GZMA: variants seen among roughly 807,000 people sequenced by gnomAD.
The protein encoded by GZMA is granzyme A.
In GZMA, 17 loss-of-function variants were observed where a neutral mutation model predicts 21.1. The observed-to-expected ratio is 0.81, with a 90% CI of 0.55 to 1.21. The LOEUF (loss-of-function observed/expected upper bound fraction) is 1.21. GZMA is among the 50% of genes most tolerant of loss of function. The pLI is 0.00. For missense variants in GZMA, 306 were observed against 315.9 expected (o/e 0.97, Z 0.24); for synonymous variants, 90 against 107.8 (o/e 0.83, Z 1.03).
At chr5:55,103,545 T>C (rs1742338244) in intron 1 of GZMA, among the ~76,000 whole-genome samples, 1 of 152,142 alleles carries the variant, frequency 6.6e-6, no homozygotes, top group Non-Finnish European at 1.5e-5. Context: ...GGGTGACAGC[T>C]CTTGGGGAGC....
intron 4 of GZMA, 96 bp downstream of exon 4, chr5:55,108,490 T>C (rs1048467956): frequency 1.7e-5 from 17 of 992,330 alleles, no homozygotes; most frequent in East Asian, 4.8e-5. Flanking sequence ...GGCACTGGCT[T>C]CTACAGGATC....
In GZMA at chr5:55,108,190, T is replaced by C. The variant is rs556099504; in HGVS notation, c.423T>C (p.Asp141=). The stretch of plus-strand genomic sequence containing the variant: ...TTCATCTACCTAAAAAGGGGGACGA[T>C]GTGAAACCAGGAACCATGTGCCAAG... The part of the protein sequence containing the change: ...TILHLPKKGD[D]VKPGTMCQVA... Residue 141 remains aspartate, a synonymous_variant, in exon 4 of 5, where the codon GAT becomes GAC. Transcript: ENST00000274306. The C allele has an allele frequency of 1.2e-5, 19 of 1,611,394 alleles. No individual in the cohort carries two copies. The highest frequency in any genetic ancestry group is 3.3e-5 in the Admixed American group (2 of 59,990).
chr5:55,106,432 A>C (rs999444476), intron 2 of GZMA, among the ~76,000 whole-genome samples: 3 of 152,158 alleles, frequency 2.0e-5, no homozygotes, highest in African/African-American at 7.2e-5. Flanking sequence ...TGAGCCTAAA[A>C]GGAAGTTAGG....
chr5:55,103,839 C>A (rs1742342607), intron 1 of GZMA, among the ~76,000 whole-genome samples: 1 of 152,050 alleles, frequency 6.6e-6, no homozygotes, highest in Non-Finnish European at 1.5e-5. Context: ...AACCTTGTCT[C>A]CACTAAAAAA....
chr5:55,108,257 G>T lies in GZMA; in HGVS notation c.490G>T (p.Asp164Tyr). ...GRTHNSASWS[D>Y]TLREVNITII... ...GACTCACAATAGTGCATCTTGGTCC[G>T]ATACTCTGAGAGAAGTCAATATCAC... is the stretch of plus-strand genomic sequence containing the variant. Residue 164 changes from aspartate to tyrosine, a missense_variant, in exon 4 of 5, where the codon GAT becomes TAT. Transcript: ENST00000274306. The T allele has an allele frequency of 3.1e-6, 5 of 1,613,958 alleles. No homozygotes were observed. The highest frequency in any genetic ancestry group is 4.2e-6 in the Non-Finnish European group (5 of 1,179,904).
intron 1 of GZMA, among the ~76,000 whole-genome samples, chr5:55,103,296 G>A (rs1375848461): frequency 6.6e-6 from 1 of 152,150 alleles, no homozygotes; most frequent in Admixed American, 6.5e-5. Flanking sequence ...ATCTGACCTA[G>A]ACACCAAAAG....
rs1561280012 is a variant in GZMA at position 55,106,255 on chromosome 5, AATAAAAT to A, written c.215+639_215+645del. 1.6e-3 allele frequency among the ~76,000 whole-genome samples: 9 copies of A among 5,540 alleles called. 4 individuals are homozygous for A. The highest frequency in any genetic ancestry group is 3.6e-3 in the African/African-American group (7 of 1,944). The allele number at this position is 5,540 out of a possible 152,430, so 3.6% of individuals were successfully genotyped here. On this transcript the variant is annotated intron_variant, in intron 2 of 4. Transcript: ENST00000274306. ...AATAAAATAAAATAAAATAAAATAA[AATAAAAT>A]AAATAAAATAAAATAAAATAAAATA...
chr5:55,105,508 A>C lies in GZMA; in HGVS notation c.105A>C (p.Val35=). The change falls in exon 2 of 5, where the codon GTA becomes GTC. Residue 35 remains valine, a synonymous_variant. Transcript: ENST00000274306. ...AAAAAATTATTGGAGGAAATGAAGT[A>C]ACTCCTCATTCAAGACCCTACATGG... ...VCEKIIGGNE[V]TPHSRPYMVL... is the part of the protein sequence containing the mutation. 6.2e-7 allele frequency: 1 copy of C among 1,610,754 alleles called. No homozygotes were observed. Among genetic ancestry groups the C allele is most frequent in the Non-Finnish European group, 8.5e-7 (1 of 1,177,070 alleles).
At chr5:55,106,575 T>C (rs3091252) in intron 2 of GZMA, among the ~76,000 whole-genome samples, 115,575 of 152,084 alleles carry the variant, frequency 0.76, 45,293 homozygotes, top group Admixed American at 0.86. Context: ...CCAGGTAGAA[T>C]TAGCCTCAGC....
chr5:55,107,887 T>A lies in GZMA; in HGVS notation c.309T>A (p.Tyr103Ter). Residue 103 changes from tyrosine to a stop codon, truncating the protein, a stop_gained, in exon 3 of 5, where the codon TAT becomes TAA. Coordinates refer to ENST00000274306, the MANE Select transcript of GZMA (RefSeq NM_006144.4). LOFTEE classifies it high-confidence loss of function. ...TGCTTGTTAAGAAAGAGTTTCCCTA[T>A]CCATGCTATGACCCAGCCACACGCG... ...QIMLVKKEFP[Y>*]PCYDPATREG... 6.2e-7 allele frequency: 1 copy of A among 1,613,056 alleles called. No individual in the cohort carries two copies. Among genetic ancestry groups the A allele is most frequent in the Non-Finnish European group, 8.5e-7 (1 of 1,179,084 alleles).
At chr5:55,105,650 T>C in intron 2 of GZMA, 32 bp downstream of exon 2, 1 of 1,577,830 alleles carries the variant, frequency 6.3e-7, no homozygotes, top group Non-Finnish European at 8.7e-7. Flanking sequence ...AAAAAGTTTG[T>C]AAAGATACTC....
In GZMA at chr5:55,110,186, ACCGTTTCCTTTC is replaced by A; in HGVS notation, c.*5_*16del. The A allele has an allele frequency of 6.4e-7, 1 of 1,572,050 alleles. No individual in the cohort carries two copies. The highest frequency in any genetic ancestry group is 1.2e-5 in the South Asian group (1 of 84,944). ...GACTATCAAGGGAGCAGTTTAAATA[ACCGTTTCCTTTC>A]ATTTACTGTGGCTTCTTAATCTTTT... On this transcript the variant is annotated 3_prime_UTR_variant, in exon 5 of 5. Transcript: ENST00000274306.
intron 1 of GZMA, among the ~76,000 whole-genome samples, chr5:55,103,650 GC>G (rs1393148118): frequency 6.6e-6 from 1 of 152,180 alleles, no homozygotes. Flanking sequence ...GGATTCATCA[GC>G]TTTTGGAGGC....
At position 55,109,697 on chromosome 5, in the gene GZMA, G is replaced by T. The variant is rs535753955; in HGVS notation, c.628-324G>T. Among the ~76,000 whole-genome samples, 73 of 152,158 alleles carry T rather than the reference G, an allele frequency of 4.8e-4. 1 individual carries two copies. Among genetic ancestry groups the T allele is most frequent in the African/African-American group, 1.7e-3 (70 of 41,510 alleles). ...TGTATCATCTGCATTTGACTATTTT[G>T]CCCCTTGAGTTATTAAGCATTTTGA... On this transcript the variant is annotated intron_variant, in intron 4 of 4. Coordinates refer to ENST00000274306, the MANE Select transcript of GZMA (RefSeq NM_006144.4).
At chr5:55,104,056 G>A (rs1331466579) in intron 1 of GZMA, among the ~76,000 whole-genome samples, 1 of 151,978 alleles carries the variant, frequency 6.6e-6, no homozygotes, top group African/African-American at 2.4e-5. Context: ...AAATAACAAG[G>A]CTGCAGGACA....
At chr5:55,105,746 G>A in intron 2 of GZMA, 128 bp downstream of exon 2, 1 of 755,246 alleles carries the variant, frequency 1.3e-6, no homozygotes, top group Non-Finnish European at 2.2e-6. Flanking sequence ...GCCAAGGCAG[G>A]TGGATCACAT....
At chr5:55,103,261 G>C (rs1382041683) in intron 1 of GZMA, among the ~76,000 whole-genome samples, 2 of 152,138 alleles carry the variant, frequency 1.3e-5, no homozygotes, top group East Asian at 3.9e-4. Context: ...TGCAGAAAAT[G>C]CATAGATAAA....
In GZMA at chr5:55,108,219, C is replaced by T; in HGVS notation, c.452C>T (p.Ala151Val). ...AAACCAGGAACCATGTGCCAAGTTG[C>T]AGGGTGGGGCAGGACTCACAATAGT... is the stretch of plus-strand genomic sequence containing the variant. ...DVKPGTMCQV[A>V]GWGRTHNSAS... Residue 151 changes from alanine to valine, a missense_variant, in exon 4 of 5, where the codon GCA becomes GTA. Transcript: ENST00000274306. 2.5e-6 allele frequency: 4 copies of T among 1,613,432 alleles called. No individual in the cohort carries two copies. The highest frequency in any genetic ancestry group is 2.5e-6 in the Non-Finnish European group (3 of 1,179,476).
chr5:55,110,037 C>G lies in GZMA; in HGVS notation c.644C>G (p.Pro215Arg). ...TTCCTCCAGGGAGATTCTGGAAGCC[C>G]TTTGTTGTGCGAGGGTGTTTTCCGA... The part of the protein sequence containing the change: ...RDSCNGDSGS[P>R]LLCEGVFRGV... Residue 215 changes from proline to arginine, a missense_variant, in exon 5 of 5, where the codon CCT becomes CGT. Transcript: ENST00000274306. The G allele has an allele frequency of 1.2e-6, 2 of 1,608,564 alleles. No individual in the cohort carries two copies. The highest frequency in any genetic ancestry group is 1.7e-5 in the Admixed American group (1 of 58,922).
Sources: allele counts gnomAD v4.1 joint callset (sites outside exome capture counted in the v4.1 genomes callset), GRCh38; gene constraint gnomAD v4.1.1; transcripts MANE v1.5; gene names NCBI Gene and HGNC (gene_info 2026-07-23, HGNC 2026-07-21).